Variants in MMP26 observed in about 807,000 individuals in gnomAD.
MMP26 encodes the protein matrix metallopeptidase 26.
In MMP26, 33 loss-of-function variants were observed where a neutral mutation model predicts 31.0. The ratio of observed to expected loss-of-function variants is 1.06; its 90% CI spans 0.81 to 1.42. MMP26 has a LOEUF of 1.42. Among genes scored for constraint, MMP26 ranks in the 40% most tolerant of loss-of-function variants. The probability of loss-of-function intolerance (pLI) is 0.00; values close to 1 mark genes in which losing one functional copy is unlikely to be tolerated. For synonymous variants in MMP26, 122 were observed against 114.9 expected (o/e 1.06, Z -0.40); for missense variants, 347 against 316.1 (o/e 1.10, Z -0.74).
At chr11:4,966,888 C>G (rs1041707620) in intron 2 of MMP26, among the ~76,000 whole-genome samples, 37 of 152,112 alleles carry the variant, frequency 2.4e-4, no homozygotes, top group African/African-American at 8.2e-4. Context: ...CAGAGGGCAG[C>G]TAGTAGGGAT....
chr11:4,941,502 A>G (rs1039263405), intron 2 of MMP26, among the ~76,000 whole-genome samples: 2 of 152,200 alleles, frequency 1.3e-5, no homozygotes, highest in Non-Finnish European at 2.9e-5. Context: ...TGTTTCTTAA[A>G]CTTTAATGTG....
At chr11:4,910,436 G>A (rs576510464) in intron 2 of MMP26, among the ~76,000 whole-genome samples, 4 of 152,018 alleles carry the variant, frequency 2.6e-5, no homozygotes, top group Non-Finnish European at 4.4e-5. Flanking sequence ...AAGTTTCAGG[G>A]GTTATAATGT....
intron 1 of MMP26, among the ~76,000 whole-genome samples, chr11:4,738,834 C>A (rs959843170): frequency 1.3e-5 from 2 of 151,996 alleles, no homozygotes; most frequent in East Asian, 3.9e-4. Flanking sequence ...GATCATGGAA[C>A]TTTATCATAC....
chr11:4,952,159 C>G (rs1846380391), intron 2 of MMP26, among the ~76,000 whole-genome samples: 1 of 124,976 alleles, frequency 8.0e-6, no homozygotes, highest in Non-Finnish European at 1.8e-5. Context: ...ATCACCTCCC[C>G]CATAGGCATT....
chr11:4,914,587 G>GACTGTA, intron 2 of MMP26: 2 of 657,530 alleles, frequency 3.0e-6, no homozygotes, highest in South Asian at 4.0e-5. Context: ...GTTCTGTAAG[G>GACTGTA]ACTGTAACTC....
At chr11:4,909,763 C>T (rs1850961540) in intron 2 of MMP26, among the ~76,000 whole-genome samples, 1 of 152,020 alleles carries the variant, frequency 6.6e-6, no homozygotes, top group African/African-American at 2.4e-5. Context: ...TAAATTTAAC[C>T]ACAGCTAAAA....
rs760539578 is a variant in MMP26 at position 4,990,760 on chromosome 11, A to G, written c.469+14A>G. 1.9e-6 allele frequency: 3 copies of G among 1,613,762 alleles called. No individual in the cohort carries two copies. Among genetic ancestry groups the G allele is most frequent in the Middle Eastern group, 1.6e-4 (1 of 6,084 alleles). ...TCTGGCAGTGGGGTAAGAAATTGAC[A>G]TGGGAAGAAGGATATGTATATGCCC... On this transcript the variant is annotated intron_variant, in intron 5 of 7. Transcript: ENST00000380390.
At chr11:4,718,355 G>A (rs1847964343) in intron 1 of MMP26, among the ~76,000 whole-genome samples, 1 of 152,162 alleles carries the variant, frequency 6.6e-6, no homozygotes. Flanking sequence ...AAATAAGACG[G>A]AATGCTGCTC....
chr11:4,826,400 G>C (rs903391458), intron 2 of MMP26, among the ~76,000 whole-genome samples: 4 of 152,024 alleles, frequency 2.6e-5, no homozygotes, highest in Admixed American at 2.0e-4. Context: ...AGATATTCAG[G>C]GCTAAGGAGA....
At chr11:4,815,330 G>T (rs894563115) in intron 2 of MMP26, among the ~76,000 whole-genome samples, 6 of 152,140 alleles carry the variant, frequency 3.9e-5, no homozygotes, top group African/African-American at 1.4e-4. Context: ...CATTGCCAGG[G>T]TGAAATTCGG....
chr11:4,827,188 T>C (rs1424329371), intron 2 of MMP26, among the ~76,000 whole-genome samples: 1 of 152,148 alleles, frequency 6.6e-6, no homozygotes, highest in African/African-American at 2.4e-5. Context: ...GGTGATGCAC[T>C]AGAAGCAGCG....
chr11:4,804,620 T>C (rs200516940), intron 2 of MMP26: 28 of 690,872 alleles, frequency 4.1e-5, no homozygotes, highest in South Asian at 2.7e-4. Context: ...TAGAACATAC[T>C]AGTTGCATGT....
At chr11:4,936,424 T>A (rs902792625) in intron 2 of MMP26, among the ~76,000 whole-genome samples, 36 of 152,152 alleles carry the variant, frequency 2.4e-4, no homozygotes, top group Admixed American at 7.9e-4. Flanking sequence ...GGTGGTGATA[T>A]CCCCTTTATC....
chr11:4,930,608 CA>C (rs1851333452), intron 2 of MMP26, among the ~76,000 whole-genome samples: 2 of 151,926 alleles, frequency 1.3e-5, no homozygotes, highest in African/African-American at 4.8e-5. Flanking sequence ...TGTCTTTGCT[CA>C]AAACAAAATA....
Position 4,803,951 on chromosome 11 carries a change from C to T in MMP26, c.-145+36610C>T, listed in dbSNP as rs1256259002. ...ATCACGATGGTCCCCAGTTTGATCACGACCGATGGGGTCAGGATGCTAGAG... is the reference window on the plus strand; with the variant it reads ...ATCACGATGGTCCCCAGTTTGATCATGACCGATGGGGTCAGGATGCTAGAG... On this transcript the variant is annotated intron_variant, in intron 2 of 7. Transcript: ENST00000380390. 30 of 1,613,384 alleles carry T rather than the reference C, an allele frequency of 1.9e-5. No homozygotes were observed. The East Asian group carries it at 3.3e-4, about 18-fold the overall frequency.
intron 2 of MMP26, among the ~76,000 whole-genome samples, chr11:4,861,030 A>C (rs1589922448): frequency 6.6e-6 from 1 of 150,652 alleles, no homozygotes; most frequent in East Asian, 1.9e-4. Context: ...CACAACCTAC[A>C]TCCACATAAA....
chr11:4,825,352 C>T (rs1589912773), intron 2 of MMP26, among the ~76,000 whole-genome samples: 1 of 152,222 alleles, frequency 6.6e-6, no homozygotes, highest in African/African-American at 2.4e-5. Flanking sequence ...TCTGTCAAAC[C>T]TGAGCAGCCT....
At chr11:4,798,536 T>G (rs1437263595) in intron 2 of MMP26, among the ~76,000 whole-genome samples, 5 of 152,248 alleles carry the variant, frequency 3.3e-5, no homozygotes, top group Non-Finnish European at 7.3e-5. Context: ...GGAAACATAC[T>G]GCTTTGCATG....
At chr11:4,923,368 TCTAA>T in intron 2 of MMP26, 1 of 1,528,064 alleles carries the variant, frequency 6.5e-7, no homozygotes, top group Non-Finnish European at 8.8e-7. Flanking sequence ...CTCTCTTTAC[TCTAA>T]CTTAATCCTT....
Sources: gnomAD v4.1 joint callset for allele counts (sites outside exome capture counted in the v4.1 genomes callset) on GRCh38, gnomAD v4.1.1 for gene constraint, MANE v1.5 for transcripts, NCBI Gene and HGNC (gene_info 2026-07-23, HGNC 2026-07-21) for gene names.